Variants in FILIP1 observed in about 807,000 individuals in gnomAD.
FILIP1 encodes filamin-A-interacting protein 1.
Under a neutral mutation model 102.1 loss-of-function variants are expected in FILIP1, and 61 were observed. The ratio of observed to expected loss-of-function variants is 0.60; its 90% CI spans 0.49 to 0.74. The LOEUF (loss-of-function observed/expected upper bound fraction) is 0.74, where lower values mean the gene tolerates loss of function less well. Among genes scored for constraint, FILIP1 ranks in the 30% least tolerant of loss-of-function variants. The pLI is 0.00. For missense variants in FILIP1, 1,314 were observed against 1,441.2 expected (o/e 0.91, Z 1.43); for synonymous variants, 491 against 526.9 (o/e 0.93, Z 0.93).
chr6:75,372,259 C>T (rs556809959), intron 2 of FILIP1, among the ~76,000 whole-genome samples: 2 of 150,838 alleles, frequency 1.3e-5, no homozygotes, highest in Admixed American at 6.6e-5. Flanking sequence ...CCCAGCTACT[C>T]GAGAGGCTGA....
At chr6:75,491,015 C>T (rs1479605554) in intron 1 of FILIP1, among the ~76,000 whole-genome samples, 1 of 151,980 alleles carries the variant, frequency 6.6e-6, no homozygotes. Context: ...ACCTAATAGA[C>T]GTCATAAAAT....
At chr6:75,381,546 A>G (rs1163236129) in intron 2 of FILIP1, among the ~76,000 whole-genome samples, 1 of 152,096 alleles carries the variant, frequency 6.6e-6, no homozygotes, top group Non-Finnish European at 1.5e-5. Context: ...TTTTTGAAAG[A>G]AAGTGCTACG....
intron 1 of FILIP1, among the ~76,000 whole-genome samples, chr6:75,430,157 C>T (rs1343721953): frequency 1.3e-5 from 2 of 152,098 alleles, no homozygotes; most frequent in Non-Finnish European, 2.9e-5. Context: ...GGGCTCTTCC[C>T]CCTTCACTTC....
intron 2 of FILIP1, among the ~76,000 whole-genome samples, chr6:75,376,486 G>A (rs1024781338): frequency 3.3e-5 from 5 of 152,142 alleles, no homozygotes; most frequent in Non-Finnish European, 7.4e-5. Flanking sequence ...ACAGCTATGT[G>A]ACCTCGGGCC....
At chr6:75,464,846 T>A (rs1779119039) in intron 1 of FILIP1, among the ~76,000 whole-genome samples, 1 of 152,206 alleles carries the variant, frequency 6.6e-6, no homozygotes, top group South Asian at 2.1e-4. Flanking sequence ...ATCCTTTTAG[T>A]TGCTAGGCTG....
At chr6:75,387,698 A>G (rs1776145585) in intron 2 of FILIP1, among the ~76,000 whole-genome samples, 1 of 151,994 alleles carries the variant, frequency 6.6e-6, no homozygotes, top group Admixed American at 6.6e-5. Flanking sequence ...TGAAAAGTTC[A>G]TATCCTTTGC....
intron 1 of FILIP1, among the ~76,000 whole-genome samples, chr6:75,459,429 C>G (rs192328523): frequency 6.6e-6 from 1 of 152,132 alleles, no homozygotes; most frequent in South Asian, 2.1e-4. Flanking sequence ...AGAATTTTCA[C>G]ATGAAACATA....
intron 6 of FILIP1, among the ~76,000 whole-genome samples, chr6:75,299,937 G>A (rs1772789600): frequency 6.6e-6 from 1 of 152,104 alleles, no homozygotes; most frequent in African/African-American, 2.4e-5. Flanking sequence ...AGAAATTTGG[G>A]GGAGAATGTT....
intron 2 of FILIP1, among the ~76,000 whole-genome samples, chr6:75,391,916 C>T (rs1411693345): frequency 6.6e-6 from 1 of 152,188 alleles, no homozygotes; most frequent in East Asian, 1.9e-4. Flanking sequence ...AACCAGGCTT[C>T]TGCTTCCAGT....
chr6:75,423,001 G>C (rs1042185750), intron 1 of FILIP1, among the ~76,000 whole-genome samples: 1 of 152,132 alleles, frequency 6.6e-6, no homozygotes, highest in Non-Finnish European at 1.5e-5. Context: ...ATTTGTTCCA[G>C]GAATTGCTAA....
At chr6:75,407,166 A>G (rs867908258) in intron 2 of FILIP1, among the ~76,000 whole-genome samples, 1 of 152,218 alleles carries the variant, frequency 6.6e-6, no homozygotes, top group Non-Finnish European at 1.5e-5. Context: ...TTTATGAGTT[A>G]AGAAGTTACA....
chr6:75,369,972 C>T (rs769417976), intron 2 of FILIP1, among the ~76,000 whole-genome samples: 4 of 152,200 alleles, frequency 2.6e-5, no homozygotes, highest in Non-Finnish European at 5.9e-5. Flanking sequence ...TACCTAATGA[C>T]ACCACACACT....
At chr6:75,339,007 T>A (rs1774334650) in intron 4 of FILIP1, among the ~76,000 whole-genome samples, 1 of 152,232 alleles carries the variant, frequency 6.6e-6, no homozygotes, top group Admixed American at 6.5e-5. Context: ...ATTTCTGACA[T>A]AAAGAACATC....
At chr6:75,396,987 G>A (rs1395777439) in intron 2 of FILIP1, among the ~76,000 whole-genome samples, 1 of 136,768 alleles carries the variant, frequency 7.3e-6, no homozygotes, top group Non-Finnish European at 1.6e-5. Context: ...GACACAGGAA[G>A]GGAAACATCA....
At chr6:75,432,655 A>T (rs1777864736) in intron 1 of FILIP1, among the ~76,000 whole-genome samples, 1 of 152,082 alleles carries the variant, frequency 6.6e-6, no homozygotes, top group Non-Finnish European at 1.5e-5. Context: ...GAATTTTTTT[A>T]AAGATTTTTA....
At chr6:75,401,664 T>A (rs943733086) in intron 2 of FILIP1, among the ~76,000 whole-genome samples, 5 of 152,278 alleles carry the variant, frequency 3.3e-5, no homozygotes, top group African/African-American at 1.2e-4. Flanking sequence ...ATAGAACATT[T>A]CCTTCTTCAA....
downstream of FILIP1, among the ~76,000 whole-genome samples, chr6:75,306,977 A>G (rs1773006435): frequency 6.6e-6 from 1 of 151,932 alleles, no homozygotes; most frequent in South Asian, 2.1e-4. Flanking sequence ...TAATTTTTGT[A>G]TTTTTAGTAG....
chr6:75,468,377 G>A (rs1334967309), intron 1 of FILIP1, among the ~76,000 whole-genome samples: 2 of 152,118 alleles, frequency 1.3e-5, no homozygotes, highest in Non-Finnish European at 2.9e-5. Context: ...TGTCAGAAAA[G>A]GACTTCAGAA....
At position 75,312,903 on chromosome 6, in the gene FILIP1, C is replaced by G; in HGVS notation, c.2929G>C (p.Ala977Pro). 1.2e-6 allele frequency: 2 copies of G among 1,614,170 alleles called. No homozygotes were observed. The highest frequency in any genetic ancestry group is 1.1e-5 in the South Asian group (1 of 91,078). The change falls in exon 5 of 6, where the codon GCC (alanine) becomes CCC (proline). Residue 977 changes from alanine (A) to proline (P), a missense_variant. By Grantham distance (27) the Ala-to-Pro change is conservative. Coordinates refer to ENST00000237172, the MANE Select transcript of FILIP1 (RefSeq NM_015687.5). ...SGDTTLGPER[A>P]MSPVTITTFS... ...GTAGTAATTGTGACTGGGGACATGG[C>G]TCGTTCTGGGCCAAGAGTAGTATCT...
Sources: allele counts gnomAD v4.1 joint callset (sites outside exome capture counted in the v4.1 genomes callset), GRCh38; gene constraint gnomAD v4.1.1; transcripts MANE v1.5; gene names NCBI Gene and HGNC (gene_info 2026-07-23, HGNC 2026-07-21).